SUCLG2: variants seen among roughly 807,000 people sequenced by gnomAD.
The protein encoded by SUCLG2 is succinate--CoA ligase [GDP-forming] subunit beta, mitochondrial.
A neutral mutation model predicts 47.9 loss-of-function variants in SUCLG2; 42 were observed. The ratio of observed to expected loss-of-function variants is 0.88; its 90% CI spans 0.69 to 1.14. The LOEUF (loss-of-function observed/expected upper bound fraction) is 1.14, where lower values mean the gene tolerates loss of function less well. Ranked by LOEUF, SUCLG2 falls within the 50% of genes most tolerant of loss-of-function variation. SUCLG2 has a pLI of 0.00. For synonymous variants in SUCLG2, 195 were observed against 197.3 expected (o/e 0.99, Z 0.10); for missense variants, 571 against 525.9 (o/e 1.09, Z -0.84).
chr3:67,470,037 C>G lies in SUCLG2; in HGVS notation c.1062+25761G>C, dbSNP rs140989011. 2.9e-5 allele frequency among the ~76,000 whole-genome samples: 4 copies of G among 138,028 alleles called. No homozygotes were observed. The East Asian group carries it at 8.7e-4, about 30-fold the overall frequency. 90.6% of individuals were successfully genotyped at this position (138,028 alleles called of 152,430 possible). On this transcript the variant is annotated intron_variant, in intron 9 of 10. Transcript: ENST00000307227. ...TCCAGCATGGGCAACAAGAGTGAAA[C>G]TCCATATCAAAAAAAAAAAAAAAAA...
chr3:67,398,829 T>C (rs1041752143), intron 10 of SUCLG2, among the ~76,000 whole-genome samples: 33 of 152,236 alleles, frequency 2.2e-4, no homozygotes, highest in African/African-American at 7.7e-4. Context: ...CACCATGGAA[T>C]ACTATGCAGT....
intron 10 of SUCLG2, among the ~76,000 whole-genome samples, chr3:67,394,392 C>T (rs765741526): frequency 0.045 from 6,398 of 141,650 alleles, 163 homozygotes; most frequent in Middle Eastern, 0.084. Flanking sequence ...CCTCAGGAGC[C>T]GATGCGATCA....
intron 10 of SUCLG2, among the ~76,000 whole-genome samples, chr3:67,361,656 G>C (rs1701805170): frequency 6.6e-6 from 1 of 152,166 alleles, no homozygotes. Flanking sequence ...TCTATTATTA[G>C]ATAGATTGCA....
At chr3:67,502,655 G>C (rs542838719) in intron 7 of SUCLG2, among the ~76,000 whole-genome samples, 10 of 152,256 alleles carry the variant, frequency 6.6e-5, no homozygotes, top group African/African-American at 2.4e-4. Flanking sequence ...CATTATTGTA[G>C]CCCAGGCTAC....
At chr3:67,546,563 C>T (rs1053368522) in intron 2 of SUCLG2, among the ~76,000 whole-genome samples, 3 of 152,038 alleles carry the variant, frequency 2.0e-5, no homozygotes, top group South Asian at 2.1e-4. Flanking sequence ...GGTGAAACCC[C>T]GTCTCTACTA....
intron 2 of SUCLG2, among the ~76,000 whole-genome samples, chr3:67,588,287 A>G (rs1464287034): frequency 6.6e-6 from 1 of 152,218 alleles, no homozygotes; most frequent in Non-Finnish European, 1.5e-5. Context: ...CTTTGCTATC[A>G]AAAAATTTTA....
At chr3:67,470,162 A>G (rs892219547) in intron 9 of SUCLG2, among the ~76,000 whole-genome samples, 1 of 152,208 alleles carries the variant, frequency 6.6e-6, no homozygotes, top group African/African-American at 2.4e-5. Flanking sequence ...AATTCAGGGA[A>G]TAGAATGTAA....
intron 9 of SUCLG2, among the ~76,000 whole-genome samples, chr3:67,415,481 T>C (rs766946744): frequency 9.2e-5 from 14 of 152,244 alleles, no homozygotes; most frequent in Non-Finnish European, 2.1e-4. Flanking sequence ...CTGCTTTCCA[T>C]ATTTTACAGA....
At chr3:67,513,995 AC>A in intron 6 of SUCLG2, 1 of 291,722 alleles carries the variant, frequency 3.4e-6, no homozygotes, top group East Asian at 9.9e-5. Flanking sequence ...TCGACCCTCT[AC>A]CCAGCGGAAT....
At chr3:67,391,498 C>T (rs1313627799) in intron 10 of SUCLG2, among the ~76,000 whole-genome samples, 1 of 152,122 alleles carries the variant, frequency 6.6e-6, no homozygotes, top group Non-Finnish European at 1.5e-5. Context: ...AGCTGTGTCC[C>T]ATATGCTTCG....
At chr3:67,406,635 G>T (rs1229859111) in intron 9 of SUCLG2, among the ~76,000 whole-genome samples, 1 of 152,146 alleles carries the variant, frequency 6.6e-6, no homozygotes, top group Non-Finnish European at 1.5e-5. Context: ...AAACTGAACA[G>T]AATCTGGAGT....
At chr3:67,393,084 C>A (rs536167714) in intron 10 of SUCLG2, among the ~76,000 whole-genome samples, 2 of 152,306 alleles carry the variant, frequency 1.3e-5, no homozygotes, top group South Asian at 2.1e-4. Context: ...CAGCTCCCAG[C>A]GTGAGCGACG....
chr3:67,591,982 T>A (rs902844998), intron 2 of SUCLG2, among the ~76,000 whole-genome samples: 1 of 152,176 alleles, frequency 6.6e-6, no homozygotes. Context: ...ATAAAGGAGT[T>A]AACATTTATT....
chr3:67,424,098 A>G (rs1284234225), intron 9 of SUCLG2, among the ~76,000 whole-genome samples: 3 of 152,244 alleles, frequency 2.0e-5, no homozygotes, highest in African/African-American at 7.2e-5. Context: ...ATGATGGCTC[A>G]TTCAAAAAAG....
chr3:67,636,056 TATTCCAC>T (rs1158149079), intron 1 of SUCLG2, among the ~76,000 whole-genome samples: 2 of 152,216 alleles, frequency 1.3e-5, no homozygotes, highest in Non-Finnish European at 2.9e-5. Context: ...TGTTCTTTTC[TATTCCAC>T]ATAGCCAGGG....
At chr3:67,553,865 G>A (rs1264663018) in intron 2 of SUCLG2, among the ~76,000 whole-genome samples, 3 of 152,052 alleles carry the variant, frequency 2.0e-5, no homozygotes, top group Non-Finnish European at 2.9e-5. Flanking sequence ...TTAATATTCC[G>A]AGTTATCTTA....
intron 10 of SUCLG2, among the ~76,000 whole-genome samples, chr3:67,367,842 ATC>A (rs1701896019): frequency 1.3e-5 from 2 of 152,202 alleles, no homozygotes; most frequent in African/African-American, 4.8e-5. Flanking sequence ...AATTTTCTCT[ATC>A]TATACAGATA....
At chr3:67,627,765 T>C (rs1370485139) in intron 1 of SUCLG2, among the ~76,000 whole-genome samples, 1 of 152,202 alleles carries the variant, frequency 6.6e-6, no homozygotes, top group African/African-American at 2.4e-5. Context: ...GTTTCAAGAC[T>C]AGCTGGTTCC....
intron 9 of SUCLG2, among the ~76,000 whole-genome samples, chr3:67,457,819 T>G (rs1321530970): frequency 2.6e-5 from 4 of 151,728 alleles, no homozygotes; most frequent in Non-Finnish European, 4.4e-5. Flanking sequence ...GGTACATGCT[T>G]GGGATAGTCC....
Sources: allele counts gnomAD v4.1 joint callset (sites outside exome capture counted in the v4.1 genomes callset), GRCh38; gene constraint gnomAD v4.1.1; transcripts MANE v1.5; gene names NCBI Gene and HGNC (gene_info 2026-07-23, HGNC 2026-07-21).